The following TMEM231 variants were observed in gnomAD, a reference collection of about 807,000 sequenced individuals.
The protein encoded by TMEM231 is transmembrane protein 231.
Under a neutral mutation model 38.5 loss-of-function variants are expected in TMEM231, and 40 were observed. That is an observed-to-expected ratio of 1.04 (90% confidence interval 0.81 to 1.35). The LOEUF (loss-of-function observed/expected upper bound fraction) is 1.35, where lower values mean the gene tolerates loss of function less well. TMEM231 is among the 40% of genes most tolerant of loss of function. The pLI is 0.00. For synonymous variants in TMEM231, 199 were observed against 181.7 expected, an observed-to-expected ratio of 1.10 and a Z score of -0.77; for missense variants, 420 against 416.9, an observed-to-expected ratio of 1.01 and a Z score of -0.07.
intron 2 of TMEM231, among the ~76,000 whole-genome samples, chr16:75,551,646 T>TATC (rs57882531): frequency 0.46 from 70,125 of 151,844 alleles, 18,676 homozygotes; most frequent in East Asian, 0.95. Flanking sequence ...TTTACACAGA[T>TATC]ATGTTTATTT....
Position 75,545,338 on chromosome 16 carries a change from A to G in TMEM231, c.582+14T>C, listed in dbSNP as rs1659793250. On this transcript the variant is annotated intron_variant, in intron 4 of 6. Transcript: ENST00000258173. ...AGAGAAACAAAGGAGCTGGACAATG[A>G]GAAGCGCTCTTACGTTGTATCGGGC... 2 of 1,606,160 alleles carry G rather than the reference A, an allele frequency of 1.2e-6. No homozygotes were observed. The highest frequency in any genetic ancestry group is 1.7e-6 in the Non-Finnish European group (2 of 1,174,864).
intron 4 of TMEM231, among the ~76,000 whole-genome samples, chr16:75,544,953 T>C (rs919953274): frequency 5.3e-5 from 7 of 132,022 alleles, no homozygotes; most frequent in East Asian, 2.1e-4. Context: ...CTTTTTCTTT[T>C]TTTTTTTTTT....
Position 75,542,683 on chromosome 16 carries a change from T to C in TMEM231, c.583A>G (p.Ile195Val), listed in dbSNP as rs762957747. 14 of 1,613,660 alleles carry C rather than the reference T, an allele frequency of 8.7e-6. No homozygotes were observed. The African/African-American group carries it at 1.1e-4, about 12-fold the overall frequency. The change falls in exon 5 of 7, where the codon ATA becomes GTA. Residue 195 changes from isoleucine to valine, a missense_variant and splice_region_variant. Ile to Val is a conservative substitution (Grantham distance 29). Coordinates refer to ENST00000258173, the MANE Select transcript of TMEM231 (RefSeq NM_001077418.3). ...SCGGLDARYN[I>V]SVINGTSPFA... The stretch of plus-strand genomic sequence containing the variant: ...GGGCTGGTCCCGTTGATCACGGATA[T>C]CTGGGACACGGGAGGAGGATGTGGT...
intron 2 of TMEM231, among the ~76,000 whole-genome samples, chr16:75,551,902 C>T (rs1364069861): frequency 1.3e-5 from 2 of 150,386 alleles, no homozygotes; most frequent in African/African-American, 2.5e-5. Flanking sequence ...GCGGAGGTTG[C>T]AGTGAGAAGA....
chr16:75,541,820 C>T (rs1387940723), intron 5 of TMEM231: 1 of 158,292 alleles, frequency 6.3e-6, no homozygotes, highest in Non-Finnish European at 1.4e-5. Flanking sequence ...TGTGTTTCTA[C>T]ACTACAATGG....
chr16:75,556,202 A>C lies in TMEM231; in HGVS notation c.8T>G (p.Leu3Arg). The C allele has an allele frequency of 4.1e-6, 6 of 1,458,842 alleles. No individual in the cohort carries two copies. Among genetic ancestry groups the C allele is most frequent in the Non-Finnish European group, 4.5e-6 (5 of 1,112,380 alleles). The allele number at this position is 1,458,842 out of a possible 1,614,324, so 90.4% of individuals were successfully genotyped here. The stretch of plus-strand genomic sequence containing the variant: ...GACCGGGTGAGAGAAGAGCTCATAG[A>C]GCGCCATGAGCACCGCTCGCAGGCA... MA[L>R]YELFSHPVER... Residue 3 changes from leucine (L) to arginine (R), a missense_variant, in exon 1 of 7, where the codon CTC (leucine) becomes CGC (arginine). By Grantham distance (102) the Leu-to-Arg change is moderately radical. Transcript: ENST00000258173.
Position 75,550,717 on chromosome 16 carries a change from C to CTT in TMEM231, c.310-4765_310-4764dup, listed in dbSNP as rs35806847. Among the ~76,000 whole-genome samples the CTT allele has an allele frequency of 4.2e-4, 59 of 138,838 alleles. 2 individuals carry two copies. In the East Asian group the frequency reaches 4.6e-3, roughly 11 times the overall value. 91.1% of individuals were successfully genotyped at this position (138,838 alleles called of 152,430 possible). On this transcript the variant is annotated intron_variant, in intron 2 of 6. Transcript: ENST00000258173. ...ACATTTCATTCATTTAAGTCGTATT[C>CTT]TTTTTTTTTTTTTTTTGAGATGCAG...
chr16:75,549,716 G>GT (rs375149416), intron 2 of TMEM231, among the ~76,000 whole-genome samples: 84 of 148,316 alleles, frequency 5.7e-4, no homozygotes, highest in South Asian at 1.9e-3. Context: ...GAATTTTTTT[G>GT]TTTTTTTTTT....
Position 75,547,476 on chromosome 16 carries a change from T to C in TMEM231, c.310-1522A>G, listed in dbSNP as rs28562693. Among the ~76,000 whole-genome samples the C allele has an allele frequency of 2.8e-3, 434 of 152,324 alleles. 1 individual carries two copies. The highest frequency in any genetic ancestry group is 9.7e-3 in the African/African-American group (402 of 41,572). ...TTCATCAGCTTCGGGGAGGGATATC[T>C]GCTACCAGGGCTGATGATCAAGTTA... On this transcript the variant is annotated intron_variant, in intron 2 of 6. Transcript: ENST00000258173.
At chr16:75,544,490 A>C (rs796220654) in intron 4 of TMEM231, among the ~76,000 whole-genome samples, 1 of 152,008 alleles carries the variant, frequency 6.6e-6, no homozygotes, top group East Asian at 1.9e-4. Flanking sequence ...GGAAGGGAGC[A>C]AGCGGGGGCA....
rs761100273 is a variant in TMEM231 at position 75,545,921 on chromosome 16, T to C, written c.343A>G (p.Thr115Ala). 2.0e-6 allele frequency: 3 copies of C among 1,520,624 alleles called. No individual in the cohort carries two copies. The highest frequency in any genetic ancestry group is 1.8e-6 in the Non-Finnish European group (2 of 1,131,732). 94.2% of individuals were successfully genotyped at this position (1,520,624 alleles called of 1,614,324 possible). Residue 115 changes from threonine to alanine, a missense_variant, in exon 3 of 7, where the codon ACG becomes GCG. Coordinates refer to ENST00000258173, the MANE Select transcript of TMEM231 (RefSeq NM_001077418.3). ...REEDRNQDGKTDMLHFKLELP... is the reference protein window; with the variant it reads ...REEDRNQDGKADMLHFKLELP... Reference sequence around the variant, plus strand: ...TCCAGCTTAAAATGTAACATGTCCGTCTTCCCATCCTGGTTCCTGTCTTCT... The same window carrying C: ...TCCAGCTTAAAATGTAACATGTCCGCCTTCCCATCCTGGTTCCTGTCTTCT...
In TMEM231 at chr16:75,536,881, G is replaced by C. The variant is rs952467994; in HGVS notation, c.*3113C>G. The C allele has an allele frequency of 6.6e-6, 1 of 152,146 alleles. No homozygotes were observed. The highest frequency in any genetic ancestry group is 1.9e-4 in the East Asian group (1 of 5,180). 9.4% of individuals were successfully genotyped at this position (152,146 alleles called of 1,614,324 possible). A position where few individuals can be genotyped will look rare whatever the true frequency, so the allele number is the denominator to read the frequency against. ...AAACTGCTGTGATCCCAGCACTTTG[G>C]GTGGCCAAAGCGGATGGATCACTTG... On this transcript the variant is annotated 3_prime_UTR_variant, in exon 7 of 7. Coordinates refer to ENST00000258173, the MANE Select transcript of TMEM231 (RefSeq NM_001077418.3).
At chr16:75,546,179 G>T in intron 2 of TMEM231, 1 of 1,385,328 alleles carries the variant, frequency 7.2e-7, no homozygotes, top group Non-Finnish European at 9.8e-7. Context: ...AATGTTCACT[G>T]GCCAAAATAA....
At chr16:75,553,340 C>T (rs2151708079) in intron 2 of TMEM231, among the ~76,000 whole-genome samples, 1 of 152,286 alleles carries the variant, frequency 6.6e-6, no homozygotes, top group Non-Finnish European at 1.5e-5. Context: ...AAAGCAGTGG[C>T]TCACACCTGT....
At chr16:75,552,409 C>A (rs536357838) in intron 2 of TMEM231, among the ~76,000 whole-genome samples, 1 of 152,132 alleles carries the variant, frequency 6.6e-6, no homozygotes, top group Non-Finnish European at 1.5e-5. Context: ...GCCAAGATTG[C>A]GCCACTGAAC....
At chr16:75,550,080 C>G (rs868203641) in intron 2 of TMEM231, among the ~76,000 whole-genome samples, 5 of 152,178 alleles carry the variant, frequency 3.3e-5, no homozygotes, top group Admixed American at 6.5e-5. Context: ...AAGGGGATAT[C>G]CCAGCAACAC....
At chr16:75,544,622 G>A (rs1340988244) in intron 4 of TMEM231, among the ~76,000 whole-genome samples, 2 of 152,184 alleles carry the variant, frequency 1.3e-5, no homozygotes, top group Non-Finnish European at 2.9e-5. Flanking sequence ...TATGTTATGA[G>A]TTCAGTAAAC....
intron 2 of TMEM231, among the ~76,000 whole-genome samples, chr16:75,554,144 C>G (rs1432322108): frequency 6.6e-6 from 1 of 152,172 alleles, no homozygotes; most frequent in Admixed American, 6.6e-5. Context: ...TTTCATTTCC[C>G]TGCAGTTAAT....
chr16:75,546,871 A>C (rs2080699244), intron 2 of TMEM231, among the ~76,000 whole-genome samples: 1 of 152,230 alleles, frequency 6.6e-6, no homozygotes, highest in Non-Finnish European at 1.5e-5. Flanking sequence ...CAATCAATGA[A>C]ATGAAAAAGG....
Sources: gnomAD v4.1 joint callset for allele counts (sites outside exome capture counted in the v4.1 genomes callset) on GRCh38, gnomAD v4.1.1 for gene constraint, MANE v1.5 for transcripts, NCBI Gene and HGNC (gene_info 2026-07-23, HGNC 2026-07-21) for gene names.